CLASP1: variants seen among roughly 807,000 people sequenced by gnomAD.
CLASP1 encodes the protein cytoplasmic linker associated protein 1.
Under a neutral mutation model 192.3 loss-of-function variants are expected in CLASP1, and 38 were observed. The observed-to-expected ratio is 0.20, with a 90% CI of 0.15 to 0.26. CLASP1 has a LOEUF of 0.26. Among genes scored for constraint, CLASP1 ranks in the 10% least tolerant of loss-of-function variants. The probability of loss-of-function intolerance (pLI) is 1.00; values close to 1 mark genes in which losing one functional copy is unlikely to be tolerated. For synonymous variants in CLASP1, 691 were observed against 712.8 expected (o/e 0.97, Z 0.49); for missense variants, 1,433 against 1,932.5 (o/e 0.74, Z 4.85).
At chr2:121,610,951 C>G (rs1194871627) in intron 1 of CLASP1, among the ~76,000 whole-genome samples, 1 of 97,474 alleles carries the variant, frequency 1.0e-5, no homozygotes, top group African/African-American at 4.2e-5. Context: ...GGAAGAGGAA[C>G]TGGAGGAGGA....
rs2060241607 is a variant in CLASP1 at position 121,574,181 on chromosome 2, A to G, written c.195+31520T>C. Among the ~76,000 whole-genome samples the G allele has an allele frequency of 2.0e-5, 3 of 152,268 alleles. No homozygotes were observed. In the South Asian group the frequency reaches 6.2e-4, roughly 32 times the overall value. ...CGTCTCTACTAAAAATAGAAAAATT[A>G]GCTGGGTGTGTTGGCGGGTGCCTAT... On this transcript the variant is annotated intron_variant, in intron 2 of 39. Transcript: ENST00000263710.
chr2:121,368,337 C>A (rs893159340), intron 34 of CLASP1, among the ~76,000 whole-genome samples: 2 of 152,198 alleles, frequency 1.3e-5, no homozygotes, highest in Non-Finnish European at 2.9e-5. Context: ...GCTTCACAAT[C>A]TCCTATGACA....
At chr2:121,612,143 TGGA>T (rs1383758003) in intron 1 of CLASP1, among the ~76,000 whole-genome samples, 1 of 107,140 alleles carries the variant, frequency 9.3e-6, no homozygotes, top group Non-Finnish European at 2.0e-5. Context: ...GAAGAGGAAC[TGGA>T]GGAGGAGGAG....
chr2:121,557,289 G>C (rs1021564158), intron 2 of CLASP1, among the ~76,000 whole-genome samples: 1 of 151,992 alleles, frequency 6.6e-6, no homozygotes, highest in Admixed American at 6.6e-5. Context: ...TGATTACATA[G>C]AATATCTATT....
chr2:121,434,279 CAG>C (rs1175772171), intron 19 of CLASP1, among the ~76,000 whole-genome samples: 3 of 150,218 alleles, frequency 2.0e-5, no homozygotes, highest in Non-Finnish European at 4.4e-5. Flanking sequence ...TTCTTTGATA[CAG>C]AGTCTAGCTC....
intron 26 of CLASP1, chr2:121,403,355 T>A: frequency 2.2e-6 from 1 of 455,590 alleles, no homozygotes; most frequent in Non-Finnish European, 4.4e-6. Context: ...AAATGTTAAA[T>A]GACTGGGTGA....
At chr2:121,550,444 C>T (rs1407712630) in intron 2 of CLASP1, among the ~76,000 whole-genome samples, 1 of 151,406 alleles carries the variant, frequency 6.6e-6, no homozygotes, top group Non-Finnish European at 1.5e-5. Flanking sequence ...TTTAAAAAAT[C>T]GACAAATCCG....
intron 2 of CLASP1, among the ~76,000 whole-genome samples, chr2:121,545,985 A>G (rs1322009928): frequency 1.3e-5 from 2 of 152,226 alleles, no homozygotes; most frequent in Non-Finnish European, 2.9e-5. Context: ...CTTTTAAAAC[A>G]GAAAGATTCT....
At chr2:121,530,608 C>G in intron 2 of CLASP1, 1 of 530,868 alleles carries the variant, frequency 1.9e-6, no homozygotes, top group East Asian at 2.9e-5. Flanking sequence ...CAAGAGCGCG[C>G]CGCGGTCCCG....
intron 1 of CLASP1, among the ~76,000 whole-genome samples, chr2:121,642,328 A>G (rs146235340): frequency 3.7e-4 from 56 of 151,104 alleles, no homozygotes; most frequent in African/African-American, 1.3e-3. Context: ...CTGAGGTGGA[A>G]GGTCAAGGCT....
At position 121,470,935 on chromosome 2, in the gene CLASP1, G is replaced by A. The variant is rs557085501; in HGVS notation, c.713-975C>T. The stretch of plus-strand genomic sequence containing the variant: ...TTTAGTGAAGATGAACATTTTTTTC[G>A]TAAGTTCATTAACTTTTAAATTTTC... On this transcript the variant is annotated intron_variant, in intron 8 of 39. Coordinates refer to ENST00000263710, the Ensembl canonical transcript of CLASP1. Among the ~76,000 whole-genome samples the A allele has an allele frequency of 1.2e-4, 18 of 151,688 alleles. No homozygotes were observed. The South Asian group carries it at 1.9e-3, about 16-fold the overall frequency.
In CLASP1 at chr2:121,610,916, TGGA is replaced by T. The variant is rs778017785; in HGVS notation, c.-285-4739_-285-4737del. On this transcript the variant is annotated intron_variant, in intron 1 of 39. Transcript: ENST00000263710. Reference sequence around the variant, plus strand: ...GAGGAGTTACAGGAGGAAGAGGAACTGGAGGAGGAGGAGGAGTTACAGGAGGAA... The same window carrying T: ...GAGGAGTTACAGGAGGAAGAGGAACTGGAGGAGGAGGAGTTACAGGAGGAA... Among the ~76,000 whole-genome samples the T allele has an allele frequency of 1.0e-3, 98 of 94,026 alleles. 2 individuals carry two copies. The highest frequency in any genetic ancestry group is 3.1e-3 in the African/African-American group (76 of 24,268). 61.7% of individuals were successfully genotyped at this position (94,026 alleles called of 152,430 possible).
intron 2 of CLASP1, among the ~76,000 whole-genome samples, chr2:121,578,659 C>T (rs1273104152): frequency 4.7e-5 from 7 of 148,174 alleles, no homozygotes; most frequent in Non-Finnish European, 7.4e-5. Flanking sequence ...ACCAGGGAGG[C>T]GGAGGTTGCA....
At chr2:121,414,624 T>C (rs554561997) in intron 23 of CLASP1, among the ~76,000 whole-genome samples, 1 of 152,342 alleles carries the variant, frequency 6.6e-6, no homozygotes, top group East Asian at 1.9e-4. Context: ...TTTATCAGTA[T>C]GTGATGCATA....
intron 2 of CLASP1, among the ~76,000 whole-genome samples, chr2:121,543,391 T>G (rs940956587): frequency 6.6e-6 from 1 of 152,246 alleles, no homozygotes; most frequent in African/African-American, 2.4e-5. Context: ...CACAGACCTC[T>G]AAATTTGCAA....
intron 6 of CLASP1, among the ~76,000 whole-genome samples, chr2:121,522,340 T>C (rs1303650076): frequency 6.6e-6 from 1 of 152,026 alleles, no homozygotes; most frequent in Non-Finnish European, 1.5e-5. Context: ...AATAAGAAGT[T>C]TCTCAAAAGC....
At chr2:121,446,676 G>A (rs974650431) in intron 19 of CLASP1, among the ~76,000 whole-genome samples, 1 of 152,182 alleles carries the variant, frequency 6.6e-6, no homozygotes, top group Non-Finnish European at 1.5e-5. Context: ...TGAAAAATAT[G>A]AATAGTCGAT....
intron 22 of CLASP1, among the ~76,000 whole-genome samples, chr2:121,420,892 A>G (rs940949170): frequency 6.6e-6 from 1 of 152,256 alleles, no homozygotes; most frequent in Non-Finnish European, 1.5e-5. Context: ...AAAAGCATTA[A>G]CAGCAGTAAA....
In CLASP1 at chr2:121,452,778, G is replaced by A. The variant is rs577472253; in HGVS notation, c.1386-929C>T. 9.2e-5 allele frequency among the ~76,000 whole-genome samples: 14 copies of A among 152,144 alleles called. No homozygotes were observed. The South Asian group carries it at 1.9e-3, about 20-fold the overall frequency. Reference sequence around the variant, plus strand: ...TGCACTCCAGCCTAGGCGACAGAGCGAGACTCTGTCAAATAAACAAACAAA... The same window carrying A: ...TGCACTCCAGCCTAGGCGACAGAGCAAGACTCTGTCAAATAAACAAACAAA... On this transcript the variant is annotated intron_variant, in intron 14 of 39. Coordinates refer to ENST00000263710, the Ensembl canonical transcript of CLASP1.
Sources: gnomAD v4.1 joint callset for allele counts (sites outside exome capture counted in the v4.1 genomes callset) on GRCh38, gnomAD v4.1.1 for gene constraint, MANE v1.5 for transcripts, NCBI Gene and HGNC (gene_info 2026-07-23, HGNC 2026-07-21) for gene names.